Variants in DLG2 observed in about 807,000 individuals in gnomAD.
DLG2 encodes the protein disks large homolog 2.
A neutral mutation model predicts 132.5 loss-of-function variants in DLG2; 45 were observed. The ratio of observed to expected loss-of-function variants is 0.34; its 90% CI spans 0.27 to 0.44. The LOEUF (loss-of-function observed/expected upper bound fraction) is 0.44, where lower values mean the gene tolerates loss of function less well. Among genes scored for constraint, DLG2 ranks in the 20% least tolerant of loss-of-function variants. DLG2 has a pLI of 1.00. For missense variants in DLG2, 1,045 were observed against 1,196.9 expected (o/e 0.87, Z 1.87); for synonymous variants, 424 against 419.6 (o/e 1.01, Z -0.13).
chr11:84,608,394 G>T (rs992587684), intron 6 of DLG2, among the ~76,000 whole-genome samples: 1 of 152,260 alleles, frequency 6.6e-6, no homozygotes, highest in South Asian at 2.1e-4. Flanking sequence ...TCCAGCAATG[G>T]TTCTGAAAAG....
rs199627501 is a variant in DLG2, at chr11:84,076,164, C to CT, written c.750-16681dup. On this transcript the variant is annotated intron_variant, in intron 10 of 27. Transcript: ENST00000376104. ...TTATAACTTTATGTAGACTGTATGA[C>CT]TTCAGTTTGAAGCATGGTAGACTAG... Among the ~76,000 whole-genome samples, 511 of 152,278 alleles carry CT rather than the reference C, an allele frequency of 3.4e-3. 9 individuals are homozygous for CT. Among genetic ancestry groups the CT allele is most frequent in the Admixed American group, 0.032 (491 of 15,298 alleles).
At chr11:83,848,069 G>A (rs2058971679) in intron 16 of DLG2, among the ~76,000 whole-genome samples, 1 of 149,878 alleles carries the variant, frequency 6.7e-6, no homozygotes, top group Non-Finnish European at 1.5e-5. Context: ...TGTCTCTCTA[G>A]GTCTCAGTTT....
intron 3 of DLG2, among the ~76,000 whole-genome samples, chr11:85,573,132 C>T (rs2077945634): frequency 1.3e-5 from 2 of 152,156 alleles, no homozygotes; most frequent in African/African-American, 4.8e-5. Context: ...TTCCTGAAGC[C>T]TCTCTGAAAG....
intron 17 of DLG2, among the ~76,000 whole-genome samples, chr11:83,800,492 T>C (rs956652479): frequency 2.5e-4 from 38 of 152,208 alleles, no homozygotes; most frequent in African/African-American, 7.7e-4. Context: ...GAGGCTGTTA[T>C]ACTTTGTGGA....
chr11:84,116,229 T>C (rs1277072653), intron 9 of DLG2, among the ~76,000 whole-genome samples: 2 of 152,200 alleles, frequency 1.3e-5, no homozygotes, highest in Non-Finnish European at 2.9e-5. Context: ...AAAACAGTGA[T>C]TGTTAAACTC....
At chr11:83,567,978 C>T (rs1370270253) in intron 19 of DLG2, among the ~76,000 whole-genome samples, 2 of 152,080 alleles carry the variant, frequency 1.3e-5, no homozygotes, top group African/African-American at 4.8e-5. Flanking sequence ...TCTCCATATG[C>T]ATATATATGT....
intron 3 of DLG2, among the ~76,000 whole-genome samples, chr11:85,352,951 C>A (rs1200194139): frequency 6.6e-6 from 1 of 152,032 alleles, no homozygotes; most frequent in Non-Finnish European, 1.5e-5. Flanking sequence ...TCTAAAACAC[C>A]AAAAGCAATA....
At chr11:84,391,509 T>C (rs563376914) in intron 7 of DLG2, among the ~76,000 whole-genome samples, 1 of 152,250 alleles carries the variant, frequency 6.6e-6, no homozygotes, top group South Asian at 2.1e-4. Context: ...TATATTACAT[T>C]TCAATATTAA....
chr11:85,007,852 T>G (rs2058828610), intron 6 of DLG2, among the ~76,000 whole-genome samples: 1 of 152,098 alleles, frequency 6.6e-6, no homozygotes, highest in Non-Finnish European at 1.5e-5. Context: ...CTTAATCTCC[T>G]AATTCCTCAA....
intron 14 of DLG2, among the ~76,000 whole-genome samples, chr11:83,947,728 C>T (rs2084404642): frequency 6.6e-6 from 1 of 152,296 alleles, no homozygotes; most frequent in East Asian, 1.9e-4. Flanking sequence ...AACTGAGGCA[C>T]AAAGAAGTTA....
In DLG2 at chr11:85,537,488, T is replaced by C. The variant is rs1456096263; in HGVS notation, c.40+61169A>G. Among the ~76,000 whole-genome samples the C allele has an allele frequency of 3.4e-5, 5 of 145,268 alleles. No homozygotes were observed. In the South Asian group the frequency reaches 9.0e-4, roughly 26 times the overall value. ...GAGACCACCAACCCACCAGGAGGGA[T>C]GAACAACTCCAGACAGGAGGGATGA... On this transcript the variant is annotated intron_variant, in intron 3 of 27. Transcript: ENST00000376104.
intron 6 of DLG2, among the ~76,000 whole-genome samples, chr11:84,858,829 T>C (rs1217203263): frequency 6.6e-6 from 1 of 151,850 alleles, no homozygotes; most frequent in Non-Finnish European, 1.5e-5. Flanking sequence ...GTTTGACAAG[T>C]ACTCAAACAA....
Position 84,500,965 on chromosome 11 carries a change from A to G in DLG2, c.519+33605T>C, listed in dbSNP as rs936759644. 8.5e-5 allele frequency among the ~76,000 whole-genome samples: 13 copies of G among 152,296 alleles called. No individual in the cohort carries two copies. In the East Asian group the frequency reaches 2.5e-3, roughly 29 times the overall value. ...TACAATAATTCTCACTTATATGAAAAAAAGTTGATTATATGTTGAATTTGG... is the reference window on the plus strand; with the variant it reads ...TACAATAATTCTCACTTATATGAAAGAAAGTTGATTATATGTTGAATTTGG... On this transcript the variant is annotated intron_variant, in intron 7 of 27. Transcript: ENST00000376104.
chr11:84,654,118 C>G (rs1409094232), intron 6 of DLG2, among the ~76,000 whole-genome samples: 1 of 152,156 alleles, frequency 6.6e-6, no homozygotes, highest in Non-Finnish European at 1.5e-5. Context: ...TGAGGACCCT[C>G]TTTTCTGAAG....
At chr11:84,940,330 T>A (rs191770091) in intron 6 of DLG2, among the ~76,000 whole-genome samples, 1 of 152,150 alleles carries the variant, frequency 6.6e-6, no homozygotes, top group Admixed American at 6.5e-5. Context: ...TTTTTGTATT[T>A]TTAGTAGAGA....
At chr11:84,875,540 T>G (rs1198378338) in intron 6 of DLG2, among the ~76,000 whole-genome samples, 1 of 151,964 alleles carries the variant, frequency 6.6e-6, no homozygotes, top group Non-Finnish European at 1.5e-5. Context: ...TCATCAACTA[T>G]GTACATCATG....
intron 3 of DLG2, among the ~76,000 whole-genome samples, chr11:85,365,330 T>C (rs1287949833): frequency 6.6e-6 from 1 of 152,174 alleles, no homozygotes; most frequent in Non-Finnish European, 1.5e-5. Context: ...GTCTGATATT[T>C]AAATAGGTCA....
chr11:83,962,174 T>C (rs1381703706), intron 14 of DLG2, among the ~76,000 whole-genome samples: 3 of 152,016 alleles, frequency 2.0e-5, no homozygotes, highest in African/African-American at 4.8e-5. Flanking sequence ...AGCACACATA[T>C]GTATACATGT....
chr11:84,024,178 T>C (rs560670234), intron 11 of DLG2, among the ~76,000 whole-genome samples: 2 of 152,126 alleles, frequency 1.3e-5, no homozygotes, highest in Non-Finnish European at 2.9e-5. Context: ...TCTAGGGATC[T>C]GAAGGCACGA....
Sources: allele counts gnomAD v4.1 joint callset (sites outside exome capture counted in the v4.1 genomes callset), GRCh38; gene constraint gnomAD v4.1.1; transcripts MANE v1.5; gene names NCBI Gene and HGNC (gene_info 2026-07-23, HGNC 2026-07-21).